The following SLC4A4 variants were observed in gnomAD, a reference collection of about 807,000 sequenced individuals.
SLC4A4 encodes the protein solute carrier family 4 member 4, also known as electrogenic sodium bicarbonate cotransporter 1.
SLC4A4 carries 27 observed loss-of-function variants against 111.5 expected under a neutral mutation model. That is an observed-to-expected ratio of 0.24 (90% CI 0.18 to 0.33). SLC4A4 has a LOEUF of 0.33. Among genes scored for constraint, SLC4A4 ranks in the 10% least tolerant of loss-of-function variants. SLC4A4 has a pLI of 1.00. For synonymous variants in SLC4A4, 443 were observed against 463.4 expected, an observed-to-expected ratio of 0.96 and a Z score of 0.57; for missense variants, 909 against 1,315.5, an observed-to-expected ratio of 0.69 and a Z score of 4.78.
At chr4:71,513,822 T>A (rs1352163774) in intron 16 of SLC4A4, among the ~76,000 whole-genome samples, 2 of 152,212 alleles carry the variant, frequency 1.3e-5, no homozygotes, top group Non-Finnish European at 2.9e-5. Context: ...CCTAGTTTAT[T>A]GAGAGTTTTT....
At chr4:71,479,118 A>C (rs1285631803) in intron 14 of SLC4A4, among the ~76,000 whole-genome samples, 1 of 151,780 alleles carries the variant, frequency 6.6e-6, no homozygotes, top group Non-Finnish European at 1.5e-5. Context: ...TGTTAACAAA[A>C]GGGATATATT....
chr4:71,409,949 G>A lies in SLC4A4; in HGVS notation c.807+12296G>A, dbSNP rs187228547. On this transcript the variant is annotated intron_variant, in intron 7 of 25. Transcript: ENST00000264485. ...AGAGCTCAGGCTGTGGCTTCAGAGG[G>A]TGGAAGCCTCAAGCCTTGGCAGCTT... is the stretch of plus-strand genomic sequence containing the variant. Among the ~76,000 whole-genome samples the A allele has an allele frequency of 3.9e-3, 597 of 152,344 alleles. 13 individuals are homozygous for A. Among genetic ancestry groups the A allele is most frequent in the Admixed American group, 0.025 (387 of 15,308 alleles).
chr4:71,569,195 G>T lies in SLC4A4; in HGVS notation c.*1444G>T, dbSNP rs1737746785. The T allele has an allele frequency of 6.6e-6, 1 of 151,538 alleles. No individual in the cohort carries two copies. The highest frequency in any genetic ancestry group is 2.4e-5 in the African/African-American group (1 of 41,342). The allele number at this position is 151,538 out of a possible 1,614,324, so 9.4% of individuals were successfully genotyped here. A position where few individuals can be genotyped will look rare whatever the true frequency, so the allele number is the denominator to read the frequency against. On this transcript the variant is annotated 3_prime_UTR_variant, in exon 26 of 26. Coordinates refer to ENST00000264485, the MANE Select transcript of SLC4A4 (RefSeq NM_001098484.3). The stretch of plus-strand genomic sequence containing the variant: ...AAAAAATCCATTAAGGGTCCAAGAA[G>T]TCTGTCCATATGAAAATGAGGGTAA...
chr4:71,488,774 T>G (rs973071764), intron 15 of SLC4A4, among the ~76,000 whole-genome samples: 13 of 151,746 alleles, frequency 8.6e-5, no homozygotes, highest in Non-Finnish European at 1.9e-4. Context: ...CCAGTTCCTA[T>G]AGATGCCCCA....
chr4:71,261,322 C>A lies in SLC4A4; in HGVS notation c.253+5923C>A, dbSNP rs368402188. 1.4e-4 allele frequency among the ~76,000 whole-genome samples: 22 copies of A among 152,280 alleles called. No homozygotes were observed. The East Asian group carries it at 3.1e-3, about 21-fold the overall frequency. On this transcript the variant is annotated intron_variant, in intron 3 of 25. Transcript: ENST00000264485. ...TTGAATTTAGTCGGCAGTTGTAATT[C>A]CCCGTTCTGGATGCCTGAAATCAAA...
chr4:71,111,187 C>T (rs6839146), intron 2 of SLC4A4, among the ~76,000 whole-genome samples: 23,841 of 152,090 alleles, frequency 0.16, 2,186 homozygotes, highest in East Asian at 0.27. Context: ...TCTAGGTTTT[C>T]ATGCTGAAAA....
At chr4:71,314,094 A>T (rs548506808) in intron 3 of SLC4A4, among the ~76,000 whole-genome samples, 5 of 152,178 alleles carry the variant, frequency 3.3e-5, no homozygotes, top group Non-Finnish European at 7.3e-5. Context: ...CAACAACCCC[A>T]TCAAAAAGTG....
intron 14 of SLC4A4, among the ~76,000 whole-genome samples, chr4:71,479,481 C>T (rs1728674998): frequency 1.3e-5 from 2 of 151,576 alleles, no homozygotes; most frequent in African/African-American, 2.4e-5. Flanking sequence ...GGATTGCATC[C>T]CCTGTGTTCC....
At chr4:71,303,045 A>G (rs1459981790) in intron 3 of SLC4A4, among the ~76,000 whole-genome samples, 1 of 152,234 alleles carries the variant, frequency 6.6e-6, no homozygotes, top group Admixed American at 6.5e-5. Context: ...TATAAAAATC[A>G]GGCTGTGCCA....
intron 3 of SLC4A4, among the ~76,000 whole-genome samples, chr4:71,311,887 C>T (rs1434552343): frequency 3.8e-5 from 1 of 26,360 alleles, no homozygotes. Flanking sequence ...ATGTGCAAGG[C>T]TGTGAGAGAG....
At chr4:71,103,700 A>G (rs1742829314) in intron 2 of SLC4A4, among the ~76,000 whole-genome samples, 1 of 152,202 alleles carries the variant, frequency 6.6e-6, no homozygotes, top group African/African-American at 2.4e-5. Flanking sequence ...GAAGGCAGAA[A>G]TAAAGATGTT....
At chr4:71,458,235 A>G (rs1726478790) in intron 12 of SLC4A4, among the ~76,000 whole-genome samples, 1 of 152,078 alleles carries the variant, frequency 6.6e-6, no homozygotes, top group South Asian at 2.1e-4. Flanking sequence ...TCTGAATGGA[A>G]CCTATGCAAA....
intron 7 of SLC4A4, among the ~76,000 whole-genome samples, chr4:71,411,994 T>C (rs936105511): frequency 1.3e-5 from 2 of 152,212 alleles, no homozygotes; most frequent in South Asian, 2.1e-4. Context: ...TTAGCATGTA[T>C]TGCTCTGCTA....
chr4:71,359,437 T>G (rs1247739407), intron 6 of SLC4A4, among the ~76,000 whole-genome samples: 1 of 152,216 alleles, frequency 6.6e-6, no homozygotes, highest in Non-Finnish European at 1.5e-5. Flanking sequence ...AGGCAAGATT[T>G]AGCTTTGAGA....
intron 1 of SLC4A4, among the ~76,000 whole-genome samples, chr4:71,074,940 C>T (rs1410227179): frequency 1.3e-5 from 2 of 152,196 alleles, no homozygotes; most frequent in East Asian, 3.9e-4. Context: ...GGTACAGTGT[C>T]AGTGCCTCTC....
chr4:71,329,481 C>T (rs1727788121), intron 3 of SLC4A4, among the ~76,000 whole-genome samples: 1 of 151,970 alleles, frequency 6.6e-6, no homozygotes, highest in South Asian at 2.1e-4. Flanking sequence ...TTTGTTATGT[C>T]TTCAATTTCG....
chr4:71,298,132 C>T (rs1225707528), intron 3 of SLC4A4, among the ~76,000 whole-genome samples: 1 of 152,134 alleles, frequency 6.6e-6, no homozygotes, highest in Non-Finnish European at 1.5e-5. Flanking sequence ...AACTGCCACA[C>T]AAATGTTGAT....
intron 3 of SLC4A4, among the ~76,000 whole-genome samples, chr4:71,327,668 A>C (rs1727613216): frequency 6.6e-6 from 1 of 151,872 alleles, no homozygotes; most frequent in Non-Finnish European, 1.5e-5. Context: ...CCTACTATGT[A>C]TTATCTTTTC....
intron 6 of SLC4A4, among the ~76,000 whole-genome samples, chr4:71,369,633 G>A (rs1252467376): frequency 6.6e-6 from 1 of 152,088 alleles, no homozygotes; most frequent in African/African-American, 2.4e-5. Flanking sequence ...GACAGAATGG[G>A]CTATGGACAA....
Sources: gnomAD v4.1 joint callset for allele counts (sites outside exome capture counted in the v4.1 genomes callset) on GRCh38, gnomAD v4.1.1 for gene constraint, MANE v1.5 for transcripts, NCBI Gene and HGNC (gene_info 2026-07-23, HGNC 2026-07-21) for gene names.